The following C4orf54 variants were observed in gnomAD, a reference collection of about 807,000 sequenced individuals.
C4orf54 encodes uncharacterized protein C4orf54.
Under a neutral mutation model 80.1 loss-of-function variants are expected in C4orf54, and 67 were observed. That is an observed-to-expected ratio of 0.84 (90% CI 0.69 to 1.03). The LOEUF (loss-of-function observed/expected upper bound fraction) is 1.03. Among genes scored for constraint, C4orf54 ranks in the 50% least tolerant of loss-of-function variants. The pLI, the probability that C4orf54 is intolerant of heterozygous loss-of-function variation, is 0.00. For synonymous variants in C4orf54, 1,000 were observed against 917.0 expected, an observed-to-expected ratio of 1.09 and a Z score of -1.64; for missense variants, 2,434 against 2,253.5, an observed-to-expected ratio of 1.08 and a Z score of -1.62.
intron 1 of C4orf54, among the ~76,000 whole-genome samples, chr4:99,656,436 C>T (rs1037131255): frequency 1.1e-4 from 17 of 152,032 alleles, no homozygotes; most frequent in South Asian, 4.2e-4. Context: ...CACCCCACCA[C>T]GCCCAGCTAA....
rs764278135 is a variant in C4orf54 at position 99,649,693 on chromosome 4, C to A, written c.4956G>T (p.Gln1652His). Residue 1652 changes from glutamine to histidine, a missense_variant, in exon 2 of 3, where the codon CAG (glutamine) becomes CAT (histidine). By Grantham distance (24) the Gln-to-His change is conservative. Coordinates refer to ENST00000511828, the MANE Select transcript of C4orf54 (RefSeq NM_001354435.2). Reference protein sequence around the residue: ...QYVDVPMTSQQQAVAPMSISV... With the variant: ...QYVDVPMTSQHQAVAPMSISV... ...AGATGGACATGGGAGCCACAGCCTG[C>A]TGCTGGGAGGTCATGGGCACATCCA... 42 of 1,536,078 alleles carry A rather than the reference C, an allele frequency of 2.7e-5. No individual in the cohort carries two copies. Among genetic ancestry groups the A allele is most frequent in the South Asian group, 8.3e-5 (7 of 84,068 alleles).
At chr4:99,645,023 G>A (rs549381635) in intron 2 of C4orf54, among the ~76,000 whole-genome samples, 9 of 151,972 alleles carry the variant, frequency 5.9e-5, no homozygotes, top group East Asian at 3.9e-4. Flanking sequence ...AGAAGAAGGC[G>A]CCTGTGTACC....
rs1254744096 is a variant in C4orf54 at position 99,652,464 on chromosome 4, T to C, written c.2185A>G (p.Lys729Glu). Reference protein sequence around the residue: ...FVVSKVEGEIKHVETPLCFQK... With the variant: ...FVVSKVEGEIEHVETPLCFQK... ...AAACACAGGGGCGTCTCCACATGTT[T>C]GATTTCCCCCTCGACTTTGCTGACC... The change falls in exon 2 of 3, where the codon AAA becomes GAA. Residue 729 changes from lysine (K) to glutamate (E), a missense_variant. Transcript: ENST00000511828. 6.5e-7 allele frequency: 1 copy of C among 1,535,798 alleles called. No individual in the cohort carries two copies. Among genetic ancestry groups the C allele is most frequent in the Non-Finnish European group, 8.7e-7 (1 of 1,146,788 alleles).
rs963096639 is a variant in C4orf54 at position 99,650,675 on chromosome 4, C to T, written c.3974G>A (p.Gly1325Glu). 32 of 1,536,006 alleles carry T rather than the reference C, an allele frequency of 2.1e-5. No individual in the cohort carries two copies. Among genetic ancestry groups the T allele is most frequent in the Non-Finnish European group, 2.8e-5 (32 of 1,146,918 alleles). The change falls in exon 2 of 3, where the codon GGA becomes GAA. Residue 1325 changes from glycine (G) to glutamate (E), a missense_variant. Transcript: ENST00000511828. Reference sequence around the variant, plus strand: ...TCGCAGGACCACACCAGCTTTGTTTCCTGTGCCCCGCTCTTCCACCTCACC... The same window carrying T: ...TCGCAGGACCACACCAGCTTTGTTTTCTGTGCCCCGCTCTTCCACCTCACC... ...RLGEVEERGT[G>E]NKAGVVLRGA... is the part of the protein sequence containing the mutation.
chr4:99,651,004 T>C lies in C4orf54; in HGVS notation c.3645A>G (p.Ser1215=), dbSNP rs1400326895. Residue 1215 remains serine, a synonymous_variant, in exon 2 of 3, where the codon TCA becomes TCG. Coordinates refer to ENST00000511828, the MANE Select transcript of C4orf54 (RefSeq NM_001354435.2). The stretch of plus-strand genomic sequence containing the variant: ...AGACAATCTTGAGCACAGGCAGGTA[T>C]GAGCCCTGCTCGGGCTTATTGGGGG... ...TIAPNKPEQG[S]YLPVLKIVSK... is the part of the protein sequence containing the mutation. 2 of 1,536,000 alleles carry C rather than the reference T, an allele frequency of 1.3e-6. No individual in the cohort carries two copies. The highest frequency in any genetic ancestry group is 8.7e-7 in the Non-Finnish European group (1 of 1,146,918).
At chr4:99,643,739 A>AACACACACACACACACACACACAC (rs754039570) in intron 2 of C4orf54, among the ~76,000 whole-genome samples, 1 of 98,914 alleles carries the variant, frequency 1.0e-5, no homozygotes, top group African/African-American at 3.7e-5. Flanking sequence ...CCCAAGCCAC[A>AACACACACACACACACACACACAC]ACACACACAC....
At chr4:99,657,321 G>A (rs987425435) in intron 1 of C4orf54, among the ~76,000 whole-genome samples, 174 bp downstream of exon 1, 3 of 152,196 alleles carry the variant, frequency 2.0e-5, no homozygotes, top group African/African-American at 7.2e-5. Flanking sequence ...TCTGCAGTTG[G>A]CACACTACAA....
intron 1 of C4orf54, among the ~76,000 whole-genome samples, chr4:99,656,839 T>C (rs969970321): frequency 2.0e-5 from 3 of 152,214 alleles, no homozygotes; most frequent in Admixed American, 6.5e-5. Flanking sequence ...TTTACCATTA[T>C]GCTACACAGT....
chr4:99,654,657 T>C lies in C4orf54; in HGVS notation c.-9A>G, dbSNP rs1392907432. 2.9e-6 allele frequency: 2 copies of C among 687,044 alleles called. No individual in the cohort carries two copies. Among genetic ancestry groups the C allele is most frequent in the East Asian group, 5.4e-5 (2 of 36,854 alleles). The allele number at this position is 687,044 out of a possible 1,614,324, so 42.6% of individuals were successfully genotyped here. A position where few individuals can be genotyped will look rare whatever the true frequency, so the allele number is the denominator to read the frequency against. Reference sequence around the variant, plus strand: ...AAATGAAAGGAAAGCATGTGCTGTTTCTTGTGAAGCCTTGTCCCTTTCCTG... The same window carrying C: ...AAATGAAAGGAAAGCATGTGCTGTTCCTTGTGAAGCCTTGTCCCTTTCCTG... On this transcript the variant is annotated 5_prime_UTR_variant, in exon 2 of 3. Transcript: ENST00000511828.
In C4orf54 at chr4:99,653,306, G is replaced by T; in HGVS notation, c.1343C>A (p.Thr448Lys). Residue 448 changes from threonine to lysine, a missense_variant, in exon 2 of 3, where the codon ACA becomes AAA. Transcript: ENST00000511828. ...ATTGGGGCGGGCCAGGTCGCTGCTT[G>T]TAGGGCTGGGCGTCCGGGTGGTGTT... ...STNTTRTPSPTSSDLARPNAG... is the reference protein window; with the variant it reads ...STNTTRTPSPKSSDLARPNAG... 1.3e-6 allele frequency: 2 copies of T among 1,532,472 alleles called. No homozygotes were observed. Among genetic ancestry groups the T allele is most frequent in the South Asian group, 2.4e-5 (2 of 83,622 alleles). The allele number at this position is 1,532,472 out of a possible 1,614,324, so 94.9% of individuals were successfully genotyped here. A position where few individuals can be genotyped will look rare whatever the true frequency, so the allele number is the denominator to read the frequency against.
Position 99,654,162 on chromosome 4 carries a change from C to T in C4orf54, c.487G>A (p.Asp163Asn). ...NSKARQAEVG[D>N]GVSSAQDSQE... ...CTGTCTTGAGCACTGCTCACCCCGTCCCCCACCTCCGCCTGTCTTGCTTTC... is the reference window on the plus strand; with the variant it reads ...CTGTCTTGAGCACTGCTCACCCCGTTCCCCACCTCCGCCTGTCTTGCTTTC... Residue 163 changes from aspartate (D) to asparagine (N), a missense_variant, in exon 2 of 3, where the codon GAC becomes AAC. By Grantham distance (23) the Asp-to-Asn change is conservative. Coordinates refer to ENST00000511828, the MANE Select transcript of C4orf54 (RefSeq NM_001354435.2). 6.5e-7 allele frequency: 1 copy of T among 1,536,174 alleles called. No homozygotes were observed. Among genetic ancestry groups the T allele is most frequent in the Non-Finnish European group, 8.7e-7 (1 of 1,146,918 alleles).
At position 99,651,783 on chromosome 4, in the gene C4orf54, C is replaced by G; in HGVS notation, c.2866G>C (p.Glu956Gln). The change falls in exon 2 of 3, where the codon GAG becomes CAG. Residue 956 changes from glutamate (E) to glutamine (Q), a missense_variant. Physicochemically the swap from Glu to Gln is conservative, Grantham distance 29. Coordinates refer to ENST00000511828, the MANE Select transcript of C4orf54 (RefSeq NM_001354435.2). ...SWKEKEAEKREEQAPIGKLKL... is the reference protein window; with the variant it reads ...SWKEKEAEKRQEQAPIGKLKL... ...AGCTTCCCTATAGGGGCTTGTTCCT[C>G]CCTCTTCTCGGCCTCTTTCTCCTTC... is the stretch of plus-strand genomic sequence containing the variant. 1 of 1,536,084 alleles carries G rather than the reference C, an allele frequency of 6.5e-7. No individual in the cohort carries two copies.
rs766624829 is a variant in C4orf54 at position 99,652,254 on chromosome 4, G to C, written c.2395C>G (p.Arg799Gly). 6.5e-7 allele frequency: 1 copy of C among 1,535,906 alleles called. No homozygotes were observed. The highest frequency in any genetic ancestry group is 8.7e-7 in the Non-Finnish European group (1 of 1,146,814). ...TTGGACTTCTGGGGGCCATCGGCGC[G>C]GGAGGTGGGCTTGCTGCCCTCGGAG... ...ETSEGSKPTS[R>G]ADGPQKSKFA... Residue 799 changes from arginine to glycine, a missense_variant, in exon 2 of 3, where the codon CGC (arginine) becomes GGC (glycine). Coordinates refer to ENST00000511828, the MANE Select transcript of C4orf54 (RefSeq NM_001354435.2).
Position 99,652,413 on chromosome 4 carries a change from G to A in C4orf54, c.2236C>T (p.Arg746Cys). The change falls in exon 2 of 3, where the codon CGC becomes TGC. Residue 746 changes from arginine (R) to cysteine (C), a missense_variant. Physicochemically the swap from Arg to Cys is radical, Grantham distance 180. Transcript: ENST00000511828. ...CFQKQVQTGSRVVTLLEPLNV... is the reference protein window; with the variant it reads ...CFQKQVQTGSCVVTLLEPLNV... ...AGGGGCTCCAAAAGGGTGACGACGC[G>A]GGAGCCCGTCTGGACCTGCTTCTGG... 3.3e-6 allele frequency: 5 copies of A among 1,536,058 alleles called. No individual in the cohort carries two copies. The highest frequency in any genetic ancestry group is 2.4e-5 in the South Asian group (2 of 84,048).
chr4:99,653,455 G>T lies in C4orf54; in HGVS notation c.1194C>A (p.Asn398Lys), dbSNP rs578057741. The T allele has an allele frequency of 6.5e-7, 1 of 1,536,032 alleles. No homozygotes were observed. Residue 398 changes from asparagine (N) to lysine (K), a missense_variant, in exon 2 of 3, where the codon AAC becomes AAA. Physicochemically the swap from Asn to Lys is moderately conservative, Grantham distance 94. Transcript: ENST00000511828. ...LASRWDFEDN[N>K]VIYSFVDYAS... ...CATAATCCACGAACGAGTAGATCAC[G>T]TTGTTGTCCTCGAAATCCCAGCGGG...
Position 99,653,410 on chromosome 4 carries a change from G to A in C4orf54, c.1239C>T (p.Asp413=), listed in dbSNP as rs147586596. The change falls in exon 2 of 3, where the codon GAC becomes GAT. Residue 413 remains aspartate (D), a synonymous_variant. Coordinates refer to ENST00000511828, the MANE Select transcript of C4orf54 (RefSeq NM_001354435.2). ...FVDYASFGGS[D]ETPGDITSLT... ...GACTGGTGATGTCCCCTGGGGTCTCGTCGCTGCCACCAAAGGAAGCATAAT... is the reference window on the plus strand; with the variant it reads ...GACTGGTGATGTCCCCTGGGGTCTCATCGCTGCCACCAAAGGAAGCATAAT... 2.0e-6 allele frequency: 3 copies of A among 1,536,250 alleles called. No homozygotes were observed. Among genetic ancestry groups the A allele is most frequent in the East Asian group, 2.4e-5 (1 of 40,904 alleles).
In C4orf54 at chr4:99,651,856, G is replaced by C; in HGVS notation, c.2793C>G (p.Thr931=). The change falls in exon 2 of 3, where the codon ACC becomes ACG. Residue 931 remains threonine, a synonymous_variant. Transcript: ENST00000511828. ...VCEIKKSASE[T]VKGIFLRSQN... ...GACTACGGAGGAAGATGCCCTTGAC[G>C]GTCTCTGAGGCACTCTTTTTAATTT... The C allele has an allele frequency of 6.5e-7, 1 of 1,536,078 alleles. No homozygotes were observed. Among genetic ancestry groups the C allele is most frequent in the Non-Finnish European group, 8.7e-7 (1 of 1,146,904 alleles).
rs1256921154 is a variant in C4orf54, at chr4:99,641,145, T to G, written c.*88A>C. 6.6e-6 allele frequency: 1 copy of G among 152,106 alleles called. No homozygotes were observed. Among genetic ancestry groups the G allele is most frequent in the Non-Finnish European group, 1.5e-5 (1 of 67,966 alleles). 9.4% of individuals were successfully genotyped at this position (152,106 alleles called of 1,614,324 possible). A position where few individuals can be genotyped will look rare whatever the true frequency, so the allele number is the denominator to read the frequency against. ...CAGATGAAATAATTCTTAGTGCTATTACAATGCAAATTCCAGATTAAAGAA... is the reference window on the plus strand; with the variant it reads ...CAGATGAAATAATTCTTAGTGCTATGACAATGCAAATTCCAGATTAAAGAA... On this transcript the variant is annotated 3_prime_UTR_variant, in exon 3 of 3. Transcript: ENST00000511828.
intron 2 of C4orf54, among the ~76,000 whole-genome samples, chr4:99,648,666 TAC>T (rs1726740461): frequency 6.6e-6 from 1 of 151,882 alleles, no homozygotes; most frequent in Non-Finnish European, 1.5e-5. Flanking sequence ...GCTTAAAAAA[TAC>T]AGTCGCTTTG....
Sources: gnomAD v4.1 joint callset for allele counts (sites outside exome capture counted in the v4.1 genomes callset) on GRCh38, gnomAD v4.1.1 for gene constraint, MANE v1.5 for transcripts, NCBI Gene and HGNC (gene_info 2026-07-23, HGNC 2026-07-21) for gene names.